Variants in NRXN3 observed in about 807,000 individuals in gnomAD.
The protein encoded by NRXN3 is neurexin III.
Under a neutral mutation model 137.6 loss-of-function variants are expected in NRXN3, and 32 were observed. The observed-to-expected ratio is 0.23, with a 90% confidence interval of 0.18 to 0.31. The LOEUF is 0.31. Ranked by LOEUF, NRXN3 falls within the 10% of genes least tolerant of loss-of-function variation. NRXN3 has a pLI of 1.00. For missense variants in NRXN3, 1,574 were observed against 2,062.5 expected (o/e 0.76, Z 4.59); for synonymous variants, 798 against 784.5 (o/e 1.02, Z -0.29).
chr14:78,876,420 G>A (rs1168289309), intron 10 of NRXN3, among the ~76,000 whole-genome samples: 2 of 152,144 alleles, frequency 1.3e-5, no homozygotes, highest in African/African-American at 4.8e-5. Flanking sequence ...TCATGTATTT[G>A]CGGATTTATT....
chr14:79,727,712 A>AT (rs1053276772), intron 19 of NRXN3, among the ~76,000 whole-genome samples: 3 of 151,870 alleles, frequency 2.0e-5, no homozygotes, highest in African/African-American at 4.8e-5. Context: ...AATGACCCTT[A>AT]TTTTTTTGTT....
intron 15 of NRXN3, among the ~76,000 whole-genome samples, chr14:79,165,559 C>T (rs1266435599): frequency 1.3e-5 from 2 of 151,936 alleles, no homozygotes; most frequent in Non-Finnish European, 2.9e-5. Flanking sequence ...ACACACAATC[C>T]AACCTCTGGG....
At chr14:78,572,127 A>AGG (rs2096895536) in intron 4 of NRXN3, among the ~76,000 whole-genome samples, 2 of 152,168 alleles carry the variant, frequency 1.3e-5, no homozygotes, top group Admixed American at 1.3e-4. Context: ...GTAAAACATG[A>AGG]ACAGAGTTGG....
At chr14:79,226,380 G>A (rs1246958709) in intron 15 of NRXN3, among the ~76,000 whole-genome samples, 3 of 152,124 alleles carry the variant, frequency 2.0e-5, no homozygotes, top group Non-Finnish European at 4.4e-5. Context: ...ACATATCTTT[G>A]ATAGGCAATA....
At chr14:78,519,272 C>T (rs2096253887) in intron 4 of NRXN3, among the ~76,000 whole-genome samples, 1 of 152,070 alleles carries the variant, frequency 6.6e-6, no homozygotes, top group Non-Finnish European at 1.5e-5. Flanking sequence ...ATCTCTCTAC[C>T]CATCATCCTG....
intron 20 of NRXN3, among the ~76,000 whole-genome samples, chr14:79,834,593 C>A (rs2099331675): frequency 6.6e-6 from 1 of 152,080 alleles, no homozygotes; most frequent in Admixed American, 6.6e-5. Flanking sequence ...TTCTAGTAAA[C>A]CATAACCCTA....
At chr14:78,551,161 C>A (rs1480737831) in intron 4 of NRXN3, among the ~76,000 whole-genome samples, 1 of 152,152 alleles carries the variant, frequency 6.6e-6, no homozygotes, top group Non-Finnish European at 1.5e-5. Flanking sequence ...AGGCTCTTAT[C>A]AAAGTGACAG....
chr14:78,588,141 A>G (rs1428529300), intron 4 of NRXN3, among the ~76,000 whole-genome samples: 6 of 152,178 alleles, frequency 3.9e-5, no homozygotes, highest in Non-Finnish European at 7.4e-5. Flanking sequence ...GTTTTGCATC[A>G]TAAAGTCTGG....
intron 4 of NRXN3, among the ~76,000 whole-genome samples, chr14:78,456,884 T>G (rs1284690944): frequency 6.6e-6 from 1 of 151,104 alleles, no homozygotes; most frequent in Non-Finnish European, 1.5e-5. Context: ...TTTCTTTCCT[T>G]CTTTCGTTCG....
intron 16 of NRXN3, among the ~76,000 whole-genome samples, chr14:79,636,551 C>T (rs1216071227): frequency 6.6e-6 from 1 of 152,088 alleles, no homozygotes; most frequent in East Asian, 1.9e-4. Flanking sequence ...GGCACCTAAC[C>T]CAGGGCAAAA....
chr14:79,734,937 G>A (rs1171952166), intron 19 of NRXN3, among the ~76,000 whole-genome samples: 1 of 152,116 alleles, frequency 6.6e-6, no homozygotes, highest in East Asian at 1.9e-4. Context: ...CTCAGTTGAA[G>A]AATTCTTATT....
intron 16 of NRXN3, among the ~76,000 whole-genome samples, chr14:79,604,413 T>C (rs1350169769): frequency 6.6e-6 from 1 of 151,654 alleles, no homozygotes; most frequent in East Asian, 2.0e-4. Context: ...TTTTGTATTT[T>C]TAGTAGGGAC....
At chr14:79,398,387 T>C (rs1479159667) in intron 15 of NRXN3, among the ~76,000 whole-genome samples, 2 of 152,158 alleles carry the variant, frequency 1.3e-5, no homozygotes, top group African/African-American at 2.4e-5. Flanking sequence ...CTTGAATAAA[T>C]TGTTTCAAAA....
chr14:79,549,197 T>A (rs2097350351), intron 16 of NRXN3, among the ~76,000 whole-genome samples: 1 of 152,130 alleles, frequency 6.6e-6, no homozygotes, highest in Non-Finnish European at 1.5e-5. Flanking sequence ...GGATAGGTTT[T>A]ATCTCAAAAA....
Position 79,123,232 on chromosome 14 carries a change from C to T in NRXN3, c.3262+135091C>T, listed in dbSNP as rs116765367. ...CTGTGTGTGCGTGTGTGTGTGCGCG[C>T]GTGTGTGCGTGCGCGCACACACACA... On this transcript the variant is annotated intron_variant, in intron 15 of 20. Coordinates refer to ENST00000335750, the MANE Select transcript of NRXN3 (RefSeq NM_001330195.2). Among the ~76,000 whole-genome samples, 1,248 of 151,774 alleles carry T rather than the reference C, an allele frequency of 8.2e-3. 13 individuals are homozygous for T. Among genetic ancestry groups the T allele is most frequent in the African/African-American group, 0.028 (1,155 of 41,396 alleles).
Position 78,980,036 on chromosome 14 carries a change from T to C in NRXN3, c.3143-7986T>C, listed in dbSNP as rs141967360. On this transcript the variant is annotated intron_variant, in intron 14 of 20. Coordinates refer to ENST00000335750, the MANE Select transcript of NRXN3 (RefSeq NM_001330195.2). Reference sequence around the variant, plus strand: ...TGCTCCTTCCCATGGAAGCTGTGGTTTGTTGGGACAGGCAAACCCTTTGGT... The same window carrying C: ...TGCTCCTTCCCATGGAAGCTGTGGTCTGTTGGGACAGGCAAACCCTTTGGT... Among the ~76,000 whole-genome samples the C allele has an allele frequency of 2.5e-3, 386 of 152,300 alleles. 1 individual carries two copies. Among genetic ancestry groups the C allele is most frequent in the African/African-American group, 8.9e-3 (368 of 41,564 alleles).
rs140003062 is a variant in NRXN3 at position 79,357,796 on chromosome 14, T to C, written c.3263-109425T>C. Among the ~76,000 whole-genome samples, 908 of 152,334 alleles carry C rather than the reference T, an allele frequency of 6.0e-3. 9 individuals are homozygous for C. The highest frequency in any genetic ancestry group is 0.02 in the African/African-American group (846 of 41,578). On this transcript the variant is annotated intron_variant, in intron 15 of 20. Transcript: ENST00000335750. ...CCCAATATGTCACTATAGATATGAATGCCACTCATAGAATTGACACGTCAT... is the reference window on the plus strand; with the variant it reads ...CCCAATATGTCACTATAGATATGAACGCCACTCATAGAATTGACACGTCAT...
chr14:78,289,966 A>G (rs1162210032), intron 3 of NRXN3, among the ~76,000 whole-genome samples: 3 of 152,204 alleles, frequency 2.0e-5, no homozygotes, highest in African/African-American at 7.2e-5. Flanking sequence ...ATGTTCTTAC[A>G]TGAGTTTTTT....
intron 16 of NRXN3, among the ~76,000 whole-genome samples, chr14:79,497,617 A>G (rs1286005930): frequency 6.6e-6 from 1 of 152,066 alleles, no homozygotes; most frequent in Non-Finnish European, 1.5e-5. Flanking sequence ...GCCTCCCCAC[A>G]CTAGAACACA....
Sources: gnomAD v4.1 joint callset for allele counts (sites outside exome capture counted in the v4.1 genomes callset) on GRCh38, gnomAD v4.1.1 for gene constraint, MANE v1.5 for transcripts, NCBI Gene and HGNC (gene_info 2026-07-23, HGNC 2026-07-21) for gene names.